The following CEP170 variants were observed in gnomAD, a reference collection of about 807,000 sequenced individuals.
The protein encoded by CEP170 is centrosomal protein of 170 kDa.
CEP170 carries 21 observed loss-of-function variants against 151.9 expected under a neutral mutation model. The ratio of observed to expected loss-of-function variants is 0.14; its 90% CI spans 0.10 to 0.20. CEP170 has a LOEUF of 0.20. CEP170 is among the 10% of genes least tolerant of loss of function. The pLI is 1.00. For synonymous variants in CEP170, 356 were observed against 648.8 expected (o/e 0.55, Z 6.86); for missense variants, 964 against 1,892.9 (o/e 0.51, Z 9.11).
intron 14 of CEP170, among the ~76,000 whole-genome samples, chr1:243,147,892 CAA>C (rs2056679362): frequency 6.6e-6 from 1 of 152,192 alleles, no homozygotes; most frequent in East Asian, 1.9e-4. Flanking sequence ...TTTTAAAAAA[CAA>C]AAGAGGCTGG....
chr1:243,186,668 A>G (rs2059956444), intron 8 of CEP170, among the ~76,000 whole-genome samples: 2 of 152,224 alleles, frequency 1.3e-5, no homozygotes, highest in African/African-American at 2.4e-5. Flanking sequence ...TTTTAACTTT[A>G]TAATGTTTCA....
At chr1:243,130,482 G>T (rs919647400) in intron 17 of CEP170, among the ~76,000 whole-genome samples, 5 of 152,194 alleles carry the variant, frequency 3.3e-5, no homozygotes, top group African/African-American at 1.2e-4. Context: ...AAATTTTGAC[G>T]TGTCTTTCAA....
intron 10 of CEP170, among the ~76,000 whole-genome samples, chr1:243,182,709 C>T (rs1379192971): frequency 6.6e-6 from 1 of 152,088 alleles, no homozygotes; most frequent in Non-Finnish European, 1.5e-5. Context: ...CCTGTGCTTT[C>T]GAATAGGCTG....
intron 1 of CEP170, among the ~76,000 whole-genome samples, chr1:243,236,829 A>T (rs1188266763): frequency 6.6e-6 from 1 of 152,216 alleles, no homozygotes; most frequent in Non-Finnish European, 1.5e-5. Context: ...AGGGTCTGTT[A>T]CGATCCTGAA....
At position 243,166,087 on chromosome 1, in the gene CEP170, C is replaced by T. The variant is rs556190073; in HGVS notation, c.1873G>A (p.Val625Met). ...ETEISESGMT[V>M]RSTGSATSLA... is the part of the protein sequence containing the mutation. ...GAAGTTGCAGAGCCAGTACTTCTCA[C>T]TGTCATGCCAGACTCACTGATCTCT... Residue 625 changes from valine (V) to methionine (M), a missense_variant, in exon 13 of 20, where the codon GTG becomes ATG. Val to Met is a conservative substitution (Grantham distance 21). Coordinates refer to ENST00000366542, the MANE Select transcript of CEP170 (RefSeq NM_014812.3). The T allele has an allele frequency of 1.2e-6, 2 of 1,612,948 alleles. No individual in the cohort carries two copies. The highest frequency in any genetic ancestry group is 1.7e-6 in the Non-Finnish European group (2 of 1,179,376).
intron 13 of CEP170, among the ~76,000 whole-genome samples, chr1:243,159,763 T>TTTTGTG (rs1553343086): frequency 1.6e-5 from 2 of 127,076 alleles, no homozygotes; most frequent in African/African-American, 3.0e-5. Context: ...GTTTCCGGTT[T>TTTTGTG]TGTGTGTGTG....
At chr1:243,220,401 T>C (rs1321619865) in intron 3 of CEP170, among the ~76,000 whole-genome samples, 1 of 151,124 alleles carries the variant, frequency 6.6e-6, no homozygotes, top group Non-Finnish European at 1.5e-5. Context: ...TAATTCTACA[T>C]GCTTTGAGAA....
chr1:243,221,659 T>C, intron 3 of CEP170, 65 bp downstream of exon 3: 1 of 1,438,728 alleles, frequency 7.0e-7, no homozygotes, highest in Non-Finnish European at 9.4e-7. Context: ...AAATGTAATC[T>C]GATTTTTATT....
chr1:243,223,416 C>T (rs888355193), intron 2 of CEP170, among the ~76,000 whole-genome samples: 2 of 152,080 alleles, frequency 1.3e-5, no homozygotes, highest in Admixed American at 1.3e-4. Flanking sequence ...TGGTGGCTTT[C>T]GAAGGAGTGT....
At chr1:243,144,077 A>T (rs530815236) in intron 14 of CEP170, among the ~76,000 whole-genome samples, 1 of 152,360 alleles carries the variant, frequency 6.6e-6, no homozygotes, top group South Asian at 2.1e-4. Context: ...ACAAATATTT[A>T]CTGATTGCTT....
At chr1:243,131,240 C>T (rs2054369113) in intron 17 of CEP170, among the ~76,000 whole-genome samples, 1 of 152,036 alleles carries the variant, frequency 6.6e-6, no homozygotes. Flanking sequence ...GCCTGTAATC[C>T]TAGCACTTTA....
At chr1:243,161,504 A>C (rs1004109793) in intron 13 of CEP170, among the ~76,000 whole-genome samples, 2 of 152,146 alleles carry the variant, frequency 1.3e-5, no homozygotes, top group Non-Finnish European at 2.9e-5. Flanking sequence ...ACAGGGTCTC[A>C]CTTGTCCAAG....
At chr1:243,145,519 C>T (rs910915549) in intron 14 of CEP170, among the ~76,000 whole-genome samples, 3 of 152,238 alleles carry the variant, frequency 2.0e-5, no homozygotes, top group African/African-American at 4.8e-5. Context: ...GTGATCCGCC[C>T]GCCTTGGTCT....
At position 243,215,453 on chromosome 1, in the gene CEP170, T is replaced by C. The variant is rs187658563; in HGVS notation, c.196-3489A>G. Among the ~76,000 whole-genome samples, 70 of 152,228 alleles carry C rather than the reference T, an allele frequency of 4.6e-4. 1 individual carries two copies. The East Asian group carries it at 0.011, about 24-fold the overall frequency. On this transcript the variant is annotated intron_variant, in intron 3 of 19. Coordinates refer to ENST00000366542, the MANE Select transcript of CEP170 (RefSeq NM_014812.3). ...CCTGAGAAAGAGAATGCGTTCCTAG[T>C]GGGAGGTCTCTGAAATGGCCACTCT...
intron 4 of CEP170, among the ~76,000 whole-genome samples, chr1:243,209,122 C>A (rs2061606063): frequency 6.6e-6 from 1 of 152,192 alleles, no homozygotes. Flanking sequence ...ACTTATGTTG[C>A]CTAATTCTAG....
At position 243,170,190 on chromosome 1, in the gene CEP170, AC is replaced by A. The variant is rs1447675627; in HGVS notation, c.1717-437del. On this transcript the variant is annotated intron_variant, in intron 11 of 19. Transcript: ENST00000366542. ...ATAATGAGGTCAGGAGATCGAGACC[AC>A]CCTGGCCAACATGGTGAAACCCTGT... 3.3e-5 allele frequency among the ~76,000 whole-genome samples: 5 copies of A among 150,744 alleles called. No homozygotes were observed. The East Asian group carries it at 9.9e-4, about 30-fold the overall frequency.
At chr1:243,225,606 A>G (rs1242911505) in intron 1 of CEP170, among the ~76,000 whole-genome samples, 1 of 152,232 alleles carries the variant, frequency 6.6e-6, no homozygotes, top group Non-Finnish European at 1.5e-5. Context: ...AAAGCCTTTT[A>G]GCACAGTTTA....
At chr1:243,189,422 G>A (rs574280224) in intron 8 of CEP170, among the ~76,000 whole-genome samples, 232 of 151,990 alleles carry the variant, frequency 1.5e-3, no homozygotes, top group Non-Finnish European at 2.5e-3. Flanking sequence ...CGGGTGTGGT[G>A]GTGGGCGCCT....
chr1:243,217,877 G>A (rs555849251), intron 3 of CEP170, among the ~76,000 whole-genome samples: 1 of 152,320 alleles, frequency 6.6e-6, no homozygotes, highest in Non-Finnish European at 1.5e-5. Context: ...AAGTGGCAAT[G>A]TTGGGATTCG....
Sources: allele counts gnomAD v4.1 joint callset (sites outside exome capture counted in the v4.1 genomes callset), GRCh38; gene constraint gnomAD v4.1.1; transcripts MANE v1.5; gene names NCBI Gene and HGNC (gene_info 2026-07-23, HGNC 2026-07-21).